The following STK4 variants were observed in gnomAD, a reference collection of about 807,000 sequenced individuals.
The protein encoded by STK4 is serine/threonine kinase 4, also known as serine/threonine-protein kinase 4.
STK4 carries 30 observed loss-of-function variants against 64.9 expected under a neutral mutation model. That is an observed-to-expected ratio of 0.46 (90% CI 0.35 to 0.63). The LOEUF (loss-of-function observed/expected upper bound fraction) is 0.63. STK4 is among the 20% of genes least tolerant of loss of function. The pLI is 0.01. For synonymous variants in STK4, 177 were observed against 199.0 expected, an observed-to-expected ratio of 0.89 and a Z score of 0.93; for missense variants, 466 against 598.5, an observed-to-expected ratio of 0.78 and a Z score of 2.31.
At chr20:45,055,187 A>G (rs1332962675) in intron 10 of STK4, among the ~76,000 whole-genome samples, 2 of 152,154 alleles carry the variant, frequency 1.3e-5, no homozygotes, top group African/African-American at 4.8e-5. Flanking sequence ...GCCTTTAGGG[A>G]AAACACGTAT....
chr20:45,000,319 C>T, intron 7 of STK4, 73 bp from the exon 8 acceptor site: 1 of 1,516,978 alleles, frequency 6.6e-7, no homozygotes, highest in Non-Finnish European at 8.9e-7. Flanking sequence ...CCAGTACCTA[C>T]TGTGTTCCAG....
At chr20:45,065,328 A>G (rs940906836) in intron 10 of STK4, among the ~76,000 whole-genome samples, 2 of 152,010 alleles carry the variant, frequency 1.3e-5, no homozygotes, top group South Asian at 4.1e-4. Context: ...TAACCTTTTT[A>G]TGTGCCGCTG....
At chr20:45,054,578 C>CAAA (rs1225643041) in intron 10 of STK4, among the ~76,000 whole-genome samples, 1 of 64,650 alleles carries the variant, frequency 1.5e-5, no homozygotes. Context: ...TTTTTTTTTT[C>CAAA]AAAAAAAAAA....
intron 10 of STK4, among the ~76,000 whole-genome samples, chr20:45,065,236 T>G (rs527586712): frequency 6.6e-6 from 1 of 152,274 alleles, no homozygotes; most frequent in African/African-American, 2.4e-5. Context: ...GTTCTGTTTA[T>G]ATGATGAATC....
At chr20:45,000,344 C>T in intron 7 of STK4, 48 bp from the exon 8 acceptor site, 3 of 1,584,076 alleles carry the variant, frequency 1.9e-6, no homozygotes, top group Non-Finnish European at 2.6e-6. Context: ...TGTTTTGGCA[C>T]TGTCACCATA....
chr20:45,069,046 A>C (rs1048325734), intron 10 of STK4, among the ~76,000 whole-genome samples: 2 of 152,228 alleles, frequency 1.3e-5, no homozygotes, highest in Admixed American at 6.5e-5. Flanking sequence ...ATCCTTTGGC[A>C]GACATCAGAC....
chr20:44,980,771 C>G (rs1259432142), intron 3 of STK4, among the ~76,000 whole-genome samples: 1 of 152,044 alleles, frequency 6.6e-6, no homozygotes, highest in African/African-American at 2.4e-5. Context: ...TGGGTTCATG[C>G]CATTCTCCTG....
chr20:45,019,876 C>T (rs2068212236), intron 9 of STK4, among the ~76,000 whole-genome samples: 1 of 152,188 alleles, frequency 6.6e-6, no homozygotes, highest in Admixed American at 6.5e-5. Context: ...TTACACTTTT[C>T]AACCTGACAA....
intron 10 of STK4, 83 bp from the exon 11 acceptor site, chr20:45,074,935 G>A: frequency 6.5e-7 from 1 of 1,537,900 alleles, no homozygotes; most frequent in Non-Finnish European, 8.9e-7. Context: ...CTTCCCTCTG[G>A]GTGCCTGGGA....
chr20:45,056,441 G>A (rs1978489688), intron 10 of STK4, among the ~76,000 whole-genome samples: 1 of 152,086 alleles, frequency 6.6e-6, no homozygotes, highest in Non-Finnish European at 1.5e-5. Flanking sequence ...CCTTTTTATT[G>A]CTGAGTAGTT....
intron 10 of STK4, 151 bp from the exon 11 acceptor site, chr20:45,074,867 C>A: frequency 1.2e-6 from 1 of 852,948 alleles, no homozygotes; most frequent in Non-Finnish European, 1.8e-6. Flanking sequence ...TGAATTGTCA[C>A]TTTCCAACCA....
chr20:45,028,351 G>A (rs1386021639), intron 10 of STK4, among the ~76,000 whole-genome samples: 9 of 149,832 alleles, frequency 6.0e-5, no homozygotes, highest in Non-Finnish European at 8.9e-5. Flanking sequence ...TTAAGAGATA[G>A]GGTCTTGCTT....
At chr20:44,993,863 A>G (rs1366024391) in intron 5 of STK4, among the ~76,000 whole-genome samples, 1 of 152,028 alleles carries the variant, frequency 6.6e-6, no homozygotes, top group Non-Finnish European at 1.5e-5. Flanking sequence ...CCTGTAATCC[A>G]AGCTACTTGG....
rs1980438949 is a variant in STK4, at chr20:45,075,446, A to G, written c.*270A>G. On this transcript the variant is annotated 3_prime_UTR_variant, in exon 11 of 11. Transcript: ENST00000372806. ...TTAAACCCCAGGAACAGAGACTCCT[A>G]GTTGAGTGATAGCTGGGAAAGTTTT... is the stretch of plus-strand genomic sequence containing the variant. 3.4e-6 allele frequency: 1 copy of G among 290,642 alleles called. No homozygotes were observed. The highest frequency in any genetic ancestry group is 2.1e-5 in the African/African-American group (1 of 46,862). 18.0% of individuals were successfully genotyped at this position (290,642 alleles called of 1,614,324 possible). A position where few individuals can be genotyped will look rare whatever the true frequency, so the allele number is the denominator to read the frequency against.
chr20:45,043,857 A>C (rs188561972), intron 10 of STK4, among the ~76,000 whole-genome samples: 104 of 152,092 alleles, frequency 6.8e-4, no homozygotes, highest in Admixed American at 1.8e-3. Flanking sequence ...CCCTCCTTCC[A>C]CTTTCCCCTC....
chr20:44,983,780 A>T (rs1412395406), intron 4 of STK4, among the ~76,000 whole-genome samples: 4 of 152,192 alleles, frequency 2.6e-5, no homozygotes, highest in Non-Finnish European at 5.9e-5. Flanking sequence ...ATTAATTTAA[A>T]TATGTAAAAG....
chr20:44,971,011 CATAT>C (rs1193989376), intron 1 of STK4, among the ~76,000 whole-genome samples: 2 of 146,352 alleles, frequency 1.4e-5, no homozygotes, highest in African/African-American at 5.1e-5. Context: ...TGACTACTTC[CATAT>C]TTCACCGTTT....
At chr20:45,009,165 T>C (rs1431361387) in intron 9 of STK4, among the ~76,000 whole-genome samples, 1 of 152,228 alleles carries the variant, frequency 6.6e-6, no homozygotes, top group Non-Finnish European at 1.5e-5. Context: ...TTTTATAGTT[T>C]GAGGTCTTAC....
intron 10 of STK4, among the ~76,000 whole-genome samples, chr20:45,047,638 T>C (rs1215435701): frequency 6.6e-6 from 1 of 152,250 alleles, no homozygotes; most frequent in African/African-American, 2.4e-5. Flanking sequence ...AATTTAGATT[T>C]CTTCCCTGCT....
Sources: gnomAD v4.1 joint callset for allele counts (sites outside exome capture counted in the v4.1 genomes callset) on GRCh38, gnomAD v4.1.1 for gene constraint, MANE v1.5 for transcripts, NCBI Gene and HGNC (gene_info 2026-07-23, HGNC 2026-07-21) for gene names.